The following STX2 variants were observed in gnomAD, a reference collection of about 807,000 sequenced individuals.
STX2 encodes the protein syntaxin 2, also known as syntaxin-2.
In STX2, 27 loss-of-function variants were observed where a neutral mutation model predicts 40.6. The observed-to-expected ratio is 0.66, with a 90% CI of 0.49 to 0.92. The LOEUF (loss-of-function observed/expected upper bound fraction) is 0.92, where lower values mean the gene tolerates loss of function less well. STX2 is among the 40% of genes least tolerant of loss of function. STX2 has a pLI of 0.00. For synonymous variants in STX2, 123 were observed against 119.1 expected (o/e 1.03, Z -0.22); for missense variants, 328 against 366.1 (o/e 0.90, Z 0.85).
At chr12:130,803,690 C>CAAAA (rs1248119618) in intron 6 of STX2, among the ~76,000 whole-genome samples, 1 of 9,432 alleles carries the variant, frequency 1.1e-4, no homozygotes, top group African/African-American at 2.6e-4. Flanking sequence ...AAAAAAAAAA[C>CAAAA]AAACTAAAAG....
At chr12:130,816,355 G>A (rs4759795) in intron 3 of STX2, among the ~76,000 whole-genome samples, 70,727 of 152,100 alleles carry the variant, frequency 0.47, 19,645 homozygotes, top group East Asian at 0.87. Flanking sequence ...GCCCTTGGCC[G>A]TTACACAGCA....
In STX2 at chr12:130,803,124, T is replaced by C. The variant is rs1282691372; in HGVS notation, c.464-1636A>G. Among the ~76,000 whole-genome samples the C allele has an allele frequency of 7.2e-5, 11 of 152,226 alleles. 1 individual carries two copies. The East Asian group carries it at 2.1e-3, about 29-fold the overall frequency. On this transcript the variant is annotated intron_variant, in intron 6 of 10. Coordinates refer to ENST00000392373, the MANE Select transcript of STX2 (RefSeq NM_194356.4). ...TCAATAAAGTTGTTGAGATGTCATT[T>C]AATGAAAAAAGTTTTAAAGTTAGTA...
At chr12:130,793,232 C>T (rs536286572) in intron 10 of STX2, among the ~76,000 whole-genome samples, 1 of 152,268 alleles carries the variant, frequency 6.6e-6, no homozygotes, top group East Asian at 1.9e-4. Context: ...AGGGCCCCTC[C>T]CTCAAACTCT....
chr12:130,819,371 C>G (rs1023317340), intron 3 of STX2, among the ~76,000 whole-genome samples: 2 of 152,052 alleles, frequency 1.3e-5, no homozygotes, highest in African/African-American at 4.8e-5. Context: ...GAGCCTGTCC[C>G]TCTCTGCGTT....
At chr12:130,812,389 G>A (rs1951693944) in intron 4 of STX2, 1 of 454,366 alleles carries the variant, frequency 2.2e-6, no homozygotes, top group African/African-American at 2.0e-5. Context: ...GAGAACTGTG[G>A]AGCTGGGGGG....
In STX2 at chr12:130,791,818, T is replaced by A; in HGVS notation, c.*205A>T. On this transcript the variant is annotated 3_prime_UTR_variant, in exon 11 of 11. Transcript: ENST00000392373. ...GATGCCGGGTTACAGCGTCTGAGAT[T>A]CATTCACGAAATGACAGGATGCTGA... 1 of 1,229,770 alleles carries A rather than the reference T, an allele frequency of 8.1e-7. No homozygotes were observed. 76.2% of individuals were successfully genotyped at this position (1,229,770 alleles called of 1,614,324 possible).
chr12:130,808,604 T>A lies in STX2; in HGVS notation c.354+27A>T, dbSNP rs747992365. 1.1e-5 allele frequency: 17 copies of A among 1,592,176 alleles called. No individual in the cohort carries two copies. The East Asian group carries it at 3.6e-4, about 33-fold the overall frequency. The stretch of plus-strand genomic sequence containing the variant: ...AAAACACTTATTCTGCGACATTACT[T>A]TAATCTAAACGAGGCTGATAGCAAA... On this transcript the variant is annotated intron_variant, in intron 5 of 10. Transcript: ENST00000392373.
intron 1 of STX2, among the ~76,000 whole-genome samples, chr12:130,838,685 T>G (rs1952821034): frequency 6.6e-6 from 1 of 152,180 alleles, no homozygotes; most frequent in South Asian, 2.1e-4. Flanking sequence ...GTTAGGCCAG[T>G]GGGCTCCGGC....
At position 130,839,206 on chromosome 12, in the gene STX2, G is replaced by C; in HGVS notation, c.-107C>G. 1.0e-6 allele frequency: 1 copy of C among 995,462 alleles called. No individual in the cohort carries two copies. Among genetic ancestry groups the C allele is most frequent in the Non-Finnish European group, 1.2e-6 (1 of 817,384 alleles). The allele number at this position is 995,462 out of a possible 1,614,324, so 61.7% of individuals were successfully genotyped here. On this transcript the variant is annotated 5_prime_UTR_variant, in exon 1 of 11. Transcript: ENST00000392373. ...GCCTCAGGCCCCGCGGTCCCGGCCC[G>C]GCGCCAGCAGCCCTCCCTGGAGCCG...
rs925725557 is a variant in STX2 at position 130,815,991 on chromosome 12, G to A, written c.206-2960C>T. 2.0e-5 allele frequency among the ~76,000 whole-genome samples: 3 copies of A among 152,282 alleles called. No homozygotes were observed. In the Middle Eastern group the frequency reaches 0.01, roughly 518 times the overall value. On this transcript the variant is annotated intron_variant, in intron 3 of 10. Coordinates refer to ENST00000392373, the MANE Select transcript of STX2 (RefSeq NM_194356.4). ...AATGGGGCATTTGACAGGAATTAGA[G>A]AGACTTGCTATGAATAAAGAGGGTG...
At chr12:130,818,008 A>C (rs1403385381) in intron 3 of STX2, among the ~76,000 whole-genome samples, 4 of 151,282 alleles carry the variant, frequency 2.6e-5, no homozygotes, top group African/African-American at 9.8e-5. Context: ...ACTCCCCAGG[A>C]AGGCCCTGCA....
At chr12:130,835,117 C>T (rs548160336) in intron 1 of STX2, among the ~76,000 whole-genome samples, 2 of 152,330 alleles carry the variant, frequency 1.3e-5, no homozygotes, top group Admixed American at 1.3e-4. Flanking sequence ...AGCGCAACCC[C>T]ATCTCTATAA....
At chr12:130,819,864 C>T (rs950874584) in intron 3 of STX2, among the ~76,000 whole-genome samples, 11 of 152,172 alleles carry the variant, frequency 7.2e-5, no homozygotes, top group Admixed American at 6.5e-4. Flanking sequence ...GATCTGGCCG[C>T]AGGCAGCACC....
At chr12:130,814,628 T>A (rs1377755225) in intron 3 of STX2, among the ~76,000 whole-genome samples, 3 of 1,386 alleles carry the variant, frequency 2.2e-3, no homozygotes, top group African/African-American at 1.3e-3. Context: ...TTAGAAAGAC[T>A]TTTTTTTTTT....
At chr12:130,832,360 A>G (rs767490828) in intron 1 of STX2, among the ~76,000 whole-genome samples, 8 of 152,288 alleles carry the variant, frequency 5.3e-5, no homozygotes, top group Non-Finnish European at 8.8e-5. Context: ...TACCAACAAT[A>G]TAACGAACCA....
At chr12:130,831,207 C>CA (rs1952543624) in intron 1 of STX2, among the ~76,000 whole-genome samples, 2 of 152,232 alleles carry the variant, frequency 1.3e-5, no homozygotes, top group Non-Finnish European at 2.9e-5. Context: ...TGTTCACACA[C>CA]ACATGCTAAG....
chr12:130,834,356 CAAA>C (rs11355842), intron 1 of STX2, among the ~76,000 whole-genome samples: 167 of 92,782 alleles, frequency 1.8e-3, no homozygotes, highest in African/African-American at 5.5e-3. Context: ...CACTCTGTCT[CAAA>C]AAAAAAAAAA....
rs1294726560 is a variant in STX2 at position 130,789,824 on chromosome 12, T to C, written c.*2199A>G. On this transcript the variant is annotated 3_prime_UTR_variant, in exon 11 of 11. Coordinates refer to ENST00000392373, the MANE Select transcript of STX2 (RefSeq NM_194356.4). ...ACATGAGGCTTAGACATACACATCA[T>C]TGGACAAGTGACTTAAATATCTAAA... The C allele has an allele frequency of 6.6e-6, 1 of 152,620 alleles. No individual in the cohort carries two copies. Among genetic ancestry groups the C allele is most frequent in the Non-Finnish European group, 1.5e-5 (1 of 68,036 alleles). The allele number at this position is 152,620 out of a possible 1,614,324, so 9.5% of individuals were successfully genotyped here. A position where few individuals can be genotyped will look rare whatever the true frequency, so the allele number is the denominator to read the frequency against.
chr12:130,832,804 T>C (rs1195924472), intron 1 of STX2, among the ~76,000 whole-genome samples: 3 of 152,176 alleles, frequency 2.0e-5, no homozygotes, highest in Non-Finnish European at 4.4e-5. Context: ...CGACAGCATC[T>C]TTCTGTCCCT....
Sources: allele counts gnomAD v4.1 joint callset (sites outside exome capture counted in the v4.1 genomes callset), GRCh38; gene constraint gnomAD v4.1.1; transcripts MANE v1.5; gene names NCBI Gene and HGNC (gene_info 2026-07-23, HGNC 2026-07-21).